Variants in HSPBP1 observed in about 807,000 individuals in gnomAD.
HSPBP1 encodes the protein HSPA (Hsp70) binding protein 1, also known as hsp70-binding protein 1.
Under a neutral mutation model 41.7 loss-of-function variants are expected in HSPBP1, and 31 were observed. The ratio of observed to expected loss-of-function variants is 0.74; its 90% CI spans 0.56 to 1.00. The LOEUF (loss-of-function observed/expected upper bound fraction) is 1.00. HSPBP1 is among the 50% of genes least tolerant of loss of function. The pLI, the probability that HSPBP1 is intolerant of heterozygous loss-of-function variation, is 0.00. For missense variants in HSPBP1, 439 were observed against 487.9 expected, an observed-to-expected ratio of 0.90 and a Z score of 0.94; for synonymous variants, 199 against 214.4, an observed-to-expected ratio of 0.93 and a Z score of 0.63.
In HSPBP1 at chr19:55,267,437, C is replaced by T. The variant is rs528115677; in HGVS notation, c.641-1151G>A. 2.0e-5 allele frequency among the ~76,000 whole-genome samples: 3 copies of T among 150,532 alleles called. No individual in the cohort carries two copies. The East Asian group carries it at 5.8e-4, about 29-fold the overall frequency. Reference sequence around the variant, plus strand: ...AAGTGCTGGGATTACAGGCATGAGCCATTGCGCCCGGCTGTGTCATCTCTC... The same window carrying T: ...AAGTGCTGGGATTACAGGCATGAGCTATTGCGCCCGGCTGTGTCATCTCTC... On this transcript the variant is annotated intron_variant, in intron 4 of 7. Coordinates refer to ENST00000433386, the MANE Select transcript of HSPBP1 (RefSeq NM_012267.5).
chr19:55,279,436 T>A lies in HSPBP1; in HGVS notation c.173A>T (p.Glu58Val). Residue 58 changes from glutamate (E) to valine (V), a missense_variant, in exon 2 of 8, where the codon GAA becomes GTA. Transcript: ENST00000433386. ...LLQMAITAGS[E>V]EPDPPPEPMS... ...CGGTTCTGGAGGAGGGTCTGGCTCT[T>A]CAGAGCCCGCGGTGATGGCCATCTG... The A allele has an allele frequency of 6.2e-7, 1 of 1,603,638 alleles. No individual in the cohort carries two copies. The highest frequency in any genetic ancestry group is 8.5e-7 in the Non-Finnish European group (1 of 1,177,694).
chr19:55,262,887 C>T (rs2087683615), intron 7 of HSPBP1, among the ~76,000 whole-genome samples: 2 of 152,142 alleles, frequency 1.3e-5, no homozygotes, highest in African/African-American at 4.8e-5. Flanking sequence ...AACTAGAACC[C>T]GGGGTCCCCC....
intron 4 of HSPBP1, among the ~76,000 whole-genome samples, chr19:55,271,389 A>C (rs1011279336): frequency 1.3e-5 from 2 of 151,826 alleles, no homozygotes; most frequent in Non-Finnish European, 2.9e-5. Flanking sequence ...CTTCTTTTTT[A>C]ATGCAAGCTA....
rs1023566018 is a variant in HSPBP1, at chr19:55,270,445, G to A, written c.640+3953C>T. On this transcript the variant is annotated intron_variant, in intron 4 of 7. Transcript: ENST00000433386. The surrounding 1 kb of genome is among the most constrained non-coding windows in gnomAD (Gnocchi z 5.4). ...CTTCAGGGAACGAGGCCCGGCTGAC[G>A]GCTGACCACAACCTCATGCAACCTC... 6.6e-6 allele frequency among the ~76,000 whole-genome samples: 1 copy of A among 152,120 alleles called. No homozygotes were observed. The highest frequency in any genetic ancestry group is 1.5e-5 in the Non-Finnish European group (1 of 68,020).
rs569499026 is a variant in HSPBP1, at chr19:55,274,534, G to A, written c.504C>T (p.Leu168=). The part of the protein sequence containing the change: ...AAGLRWRAAQ[L]IGTCSQNVAA... ...CCACGTTCTGACTGCACGTGCCGAT[G>A]AGCTGTGCCGCCCGCCACCGCAGTC... The change falls in exon 4 of 8, where the codon CTC becomes CTT. Residue 168 remains leucine, a synonymous_variant. Transcript: ENST00000433386. 1.9e-6 allele frequency: 3 copies of A among 1,608,652 alleles called. No homozygotes were observed. Among genetic ancestry groups the A allele is most frequent in the East Asian group, 2.2e-5 (1 of 44,840 alleles).
At chr19:55,264,036 T>C (rs1305882807) in intron 7 of HSPBP1, among the ~76,000 whole-genome samples, 1 of 151,500 alleles carries the variant, frequency 6.6e-6, no homozygotes, top group Non-Finnish European at 1.5e-5. Flanking sequence ...TGGCGCATCT[T>C]GGCTCACTGC....
At position 55,272,871 on chromosome 19, in the gene HSPBP1, G is replaced by A. The variant is rs941188096; in HGVS notation, c.640+1527C>T. Among the ~76,000 whole-genome samples, 2 of 151,794 alleles carry A rather than the reference G, an allele frequency of 1.3e-5. No individual in the cohort carries two copies. The highest frequency in any genetic ancestry group is 4.8e-5 in the African/African-American group (2 of 41,332). The stretch of plus-strand genomic sequence containing the variant: ...AAAAAAAGAAAGAAAAGAAGAAAAT[G>A]TTCCAAAATTAGATAGTGACTGCCG... On this transcript the variant is annotated intron_variant, in intron 4 of 7. Transcript: ENST00000433386. The surrounding 1 kb of genome is among the most constrained non-coding windows in gnomAD (Gnocchi z 4.2).
In HSPBP1 at chr19:55,262,467, G is replaced by T; in HGVS notation, c.*141C>A. 1 of 1,449,750 alleles carries T rather than the reference G, an allele frequency of 6.9e-7. No individual in the cohort carries two copies. 89.8% of individuals were successfully genotyped at this position (1,449,750 alleles called of 1,614,324 possible). On this transcript the variant is annotated 3_prime_UTR_variant, in exon 8 of 8. Transcript: ENST00000433386. ...GGTGCCTTTCTCAGCGCCCCTTCCA[G>T]GGACTGCACAGAGACGGGCTGGCAC... is the stretch of plus-strand genomic sequence containing the variant.
At chr19:55,271,510 AC>A (rs1036048925) in intron 4 of HSPBP1, among the ~76,000 whole-genome samples, 2 of 152,004 alleles carry the variant, frequency 1.3e-5, no homozygotes, top group African/African-American at 4.8e-5. Flanking sequence ...TGTCCCTGTC[AC>A]CCTAGTTTTG....
chr19:55,274,346 C>CCCCCCCCCCCCCCCCCCCCCCCCCCCCGG, intron 4 of HSPBP1, 52 bp downstream of exon 4: 2 of 398,854 alleles, frequency 5.0e-6, no homozygotes, highest in East Asian at 5.6e-5. Context: ...GCCCACCCGG[C>CCCCCCCCCCCCCCCCCCCCCCCCCCCCGG]ACCCCCCCCC....
intron 4 of HSPBP1, among the ~76,000 whole-genome samples, chr19:55,269,702 CAG>C (rs1329677628): frequency 6.6e-6 from 1 of 152,120 alleles, no homozygotes; most frequent in African/African-American, 2.4e-5. Context: ...GTAAAAAGCT[CAG>C]GGGTGGGATG....
At chr19:55,274,346 C>CCCCCCCCCCCCCCCCCCCCCCCCCCCCG (rs2088004731) in intron 4 of HSPBP1, 52 bp downstream of exon 4, 3 of 398,854 alleles carry the variant, frequency 7.5e-6, no homozygotes, top group East Asian at 5.6e-5. Flanking sequence ...GCCCACCCGG[C>CCCCCCCCCCCCCCCCCCCCCCCCCCCCG]ACCCCCCCCC....
In HSPBP1 at chr19:55,272,787, G is replaced by A. The variant is rs959170106; in HGVS notation, c.640+1611C>T. On this transcript the variant is annotated intron_variant, in intron 4 of 7. Transcript: ENST00000433386. This position sits in a 1 kb window ranked among gnomAD's most constrained non-coding sequence, Gnocchi z 4.2. ...TGGGAGGAGGAGGTTGTAGTGAGCCGAGATCGCGCCATTGCGCTCCAGCCT... is the reference window on the plus strand; with the variant it reads ...TGGGAGGAGGAGGTTGTAGTGAGCCAAGATCGCGCCATTGCGCTCCAGCCT... Among the ~76,000 whole-genome samples, 4 of 151,678 alleles carry A rather than the reference G, an allele frequency of 2.6e-5. No individual in the cohort carries two copies. The highest frequency in any genetic ancestry group is 4.2e-4 in the South Asian group (2 of 4,816).
rs1568956929 is a variant in HSPBP1, at chr19:55,262,636, C to T, written c.1052G>A (p.Ser351Asn). The T allele has an allele frequency of 6.2e-7, 1 of 1,613,778 alleles. No homozygotes were observed. The highest frequency in any genetic ancestry group is 1.3e-5 in the African/African-American group (1 of 74,922). The change falls in exon 8 of 8, where the codon AGC becomes AAC. Residue 351 changes from serine to asparagine, a missense_variant. Transcript: ENST00000433386. ...CEKLLQTCFSSPADDSMDR is the reference protein window; with the variant it reads ...CEKLLQTCFSNPADDSMDR ...CCGATCCATGCTGTCGTCCGCTGGG[C>T]TGGAGAAACAGGTCTGTAGCAGCTT...
chr19:55,278,966 G>A (rs1164481534), intron 2 of HSPBP1, among the ~76,000 whole-genome samples: 2 of 145,234 alleles, frequency 1.4e-5, no homozygotes, highest in African/African-American at 5.1e-5. Flanking sequence ...CAGAGCCTGT[G>A]CTCTTCATGA....
intron 2 of HSPBP1, 26 bp from the exon 3 acceptor site, chr19:55,277,872 AAGG>A (rs2088118676): frequency 8.7e-6 from 13 of 1,492,898 alleles, no homozygotes; most frequent in Non-Finnish European, 1.2e-5. Flanking sequence ...AGGAGGAAAG[AAGG>A]AGATCCATCA....
chr19:55,275,339 G>A (rs940236223), intron 3 of HSPBP1, among the ~76,000 whole-genome samples: 9 of 152,102 alleles, frequency 5.9e-5, no homozygotes, highest in African/African-American at 1.2e-4. Flanking sequence ...CAGCAATTCC[G>A]CACCAAGGCA....
chr19:55,279,899 C>T (rs1395163209), intron 1 of HSPBP1, 136 bp downstream of exon 1: 4 of 556,900 alleles, frequency 7.2e-6, no homozygotes, highest in South Asian at 1.9e-5. Flanking sequence ...CCTTCCCCAT[C>T]TCCACTGCGT....
At chr19:55,269,019 G>A (rs561038638) in intron 4 of HSPBP1, among the ~76,000 whole-genome samples, 136 of 152,258 alleles carry the variant, frequency 8.9e-4, no homozygotes, top group African/African-American at 3.1e-3. Flanking sequence ...TGCATGGACT[G>A]GAAAACACAA....
Sources: gnomAD v4.1 joint callset for allele counts (sites outside exome capture counted in the v4.1 genomes callset) on GRCh38, gnomAD v4.1.1 for gene constraint, Gnocchi (gnomAD v3.1) non-coding constraint, MANE v1.5 for transcripts, NCBI Gene and HGNC (gene_info 2026-07-23, HGNC 2026-07-21) for gene names.